RPS6KB2: variants seen among roughly 807,000 people sequenced by gnomAD.
RPS6KB2 encodes ribosomal protein S6 kinase B2, also known as ribosomal protein S6 kinase beta-2.
RPS6KB2 carries 51 observed loss-of-function variants against 58.2 expected under a neutral mutation model. The ratio of observed to expected loss-of-function variants is 0.88; its 90% CI spans 0.70 to 1.11. The LOEUF is 1.11. RPS6KB2 is among the 50% of genes least tolerant of loss of function. The pLI, the probability that RPS6KB2 is intolerant of heterozygous loss-of-function variation, is 0.00. For missense variants in RPS6KB2, 671 were observed against 655.8 expected (o/e 1.02, Z -0.25); for synonymous variants, 293 against 258.6 (o/e 1.13, Z -1.28).
At chr11:67,431,610 C>T (rs1386266744) in intron 5 of RPS6KB2, 95 bp downstream of exon 5, 1 of 1,338,608 alleles carries the variant, frequency 7.5e-7, no homozygotes, top group Non-Finnish European at 1.0e-6. Flanking sequence ...AGAGATGAGT[C>T]TGTGGGGGTT....
Position 67,434,571 on chromosome 11 carries a change from C to T in RPS6KB2, c.1156-11C>T, listed in dbSNP as rs375786795. ...CACTGAGTGTCGCATGGCCCTGCCT[C>T]CGCCCCCCAGGGCTTCACATACGTG... On this transcript the variant is annotated splice_polypyrimidine_tract_variant and intron_variant, in intron 13 of 14. Coordinates refer to ENST00000312629, the MANE Select transcript of RPS6KB2 (RefSeq NM_003952.3). 605 of 1,599,694 alleles carry T rather than the reference C, an allele frequency of 3.8e-4. No homozygotes were observed. The highest frequency in any genetic ancestry group is 9.4e-4 in the Admixed American group (55 of 58,744).
rs1864065540 is a variant in RPS6KB2, at chr11:67,432,593, G to A, written c.458-7G>A. The A allele has an allele frequency of 1.9e-6, 3 of 1,614,216 alleles. No individual in the cohort carries two copies. The East Asian group carries it at 6.7e-5, about 36-fold the overall frequency. ...AGCACGTGGCTGCTGACGTGTTTGT[G>A]TGGCAGGTGGCGAGCTCTTCACGCA... On this transcript the variant is annotated splice_region_variant and splice_polypyrimidine_tract_variant and intron_variant, in intron 5 of 14. Transcript: ENST00000312629.
At chr11:67,432,022 A>C (rs1590973320) in intron 5 of RPS6KB2, 1 of 310,110 alleles carries the variant, frequency 3.2e-6, no homozygotes, top group Non-Finnish European at 6.3e-6. Flanking sequence ...GGCTGCTCCC[A>C]GCCCTTCTAT....
In RPS6KB2 at chr11:67,435,210, C is replaced by T; in HGVS notation, c.*41C>T. ...TGAGGGTAGCCCTTGAGCCCTGTCC[C>T]TGCGGCTGTGAGAGCAGCAGGACCC... On this transcript the variant is annotated 3_prime_UTR_variant, in exon 15 of 15. Transcript: ENST00000312629. 1 of 1,481,060 alleles carries T rather than the reference C, an allele frequency of 6.8e-7. No individual in the cohort carries two copies. Among genetic ancestry groups the T allele is most frequent in the Non-Finnish European group, 9.0e-7 (1 of 1,114,230 alleles). 91.7% of individuals were successfully genotyped at this position (1,481,060 alleles called of 1,614,324 possible).
chr11:67,432,534 T>C, intron 5 of RPS6KB2, 66 bp from the exon 6 acceptor site: 3 of 1,552,392 alleles, frequency 1.9e-6, no homozygotes, highest in Non-Finnish European at 2.7e-6. Context: ...CAAGAAGAAA[T>C]AAAGACTCAG....
chr11:67,434,301 G>A (rs1375607475), intron 12 of RPS6KB2, 26 bp downstream of exon 12: 1 of 1,612,410 alleles, frequency 6.2e-7, no homozygotes, highest in Admixed American at 1.7e-5. Context: ...GGTGGCCAGT[G>A]GCCGGTGGCG....
intron 4 of RPS6KB2, 159 bp downstream of exon 4, chr11:67,429,754 T>A: frequency 3.2e-6 from 2 of 618,252 alleles, no homozygotes; most frequent in South Asian, 3.9e-5. Context: ...CTTGCAGTAA[T>A]TCTCAATGGG....
chr11:67,430,910 C>A (rs1308283261), intron 4 of RPS6KB2: 1 of 155,654 alleles, frequency 6.4e-6, no homozygotes, highest in Admixed American at 6.4e-5. Context: ...AGAGGATAAA[C>A]CCATCCCTGA....
Position 67,434,396 on chromosome 11 carries a change from G to A in RPS6KB2, c.1067G>A (p.Ser356Asn), listed in dbSNP as rs1864178716. The A allele has an allele frequency of 6.2e-7, 1 of 1,613,320 alleles. No homozygotes were observed. Among genetic ancestry groups the A allele is most frequent in the Admixed American group, 1.7e-5 (1 of 60,024 alleles). Residue 356 changes from serine to asparagine, a missense_variant, in exon 13 of 15, where the codon AGC (serine) becomes AAC (asparagine). Coordinates refer to ENST00000312629, the MANE Select transcript of RPS6KB2 (RefSeq NM_003952.3). ...RPCLQSEEDV[S>N]QFDTRFTRQT... ...CCACAGCAGTCAGAGGAGGACGTGA[G>A]CCAGTTTGATACCCGCTTCACACGG...
Position 67,429,586 on chromosome 11 carries a change from C to T in RPS6KB2, c.300C>T (p.Val100=), listed in dbSNP as rs1178683057. The T allele has an allele frequency of 2.5e-6, 4 of 1,611,822 alleles. No individual in the cohort carries two copies. The highest frequency in any genetic ancestry group is 4.5e-5 in the East Asian group (2 of 44,830). The change falls in exon 4 of 15, where the codon GTC becomes GTT. Residue 100 remains valine, a synonymous_variant. Transcript: ENST00000312629. Reference sequence around the variant, plus strand: ...TGGGCAAAATATATGCCATGAAAGTCCTAAGGAAGGTGAGTCACTCGTTCA... The same window carrying T: ...TGGGCAAAATATATGCCATGAAAGTTCTAAGGAAGGTGAGTCACTCGTTCA... ...TNLGKIYAMK[V]LRKAKIVRNA...
intron 5 of RPS6KB2, chr11:67,432,217 C>T (rs1007248181): frequency 3.9e-5 from 18 of 458,618 alleles, no homozygotes; most frequent in South Asian, 1.2e-4. Flanking sequence ...CAGCAAACCG[C>T]GCTTTCTCTG....
Position 67,433,408 on chromosome 11 carries a change from C to T in RPS6KB2, c.867C>T (p.Pro289=), listed in dbSNP as rs767623386. The T allele has an allele frequency of 7.4e-6, 12 of 1,613,836 alleles. No individual in the cohort carries two copies. The highest frequency in any genetic ancestry group is 3.3e-5 in the Admixed American group (2 of 60,008). The change falls in exon 10 of 15, where the codon CCC becomes CCT. Residue 289 remains proline, a synonymous_variant. Transcript: ENST00000312629. ...TCATCAGGGGCAAGCTGGCACTGCCCCCCTACCTCACCCCAGATGCCCGGG... is the reference window on the plus strand; with the variant it reads ...TCATCAGGGGCAAGCTGGCACTGCCTCCCTACCTCACCCCAGATGCCCGGG... ...DKIIRGKLAL[P]PYLTPDARDL...
At chr11:67,432,870 G>A (rs1864082745) in intron 7 of RPS6KB2, 33 bp downstream of exon 7, 1 of 1,606,930 alleles carries the variant, frequency 6.2e-7, no homozygotes. Context: ...CTGCAGGCGG[G>A]GTCTGCAATC....
chr11:67,429,353 G>A, intron 3 of RPS6KB2, 113 bp downstream of exon 3: 2 of 1,489,652 alleles, frequency 1.3e-6, no homozygotes, highest in Non-Finnish European at 1.8e-6. Context: ...GGGATTCAGA[G>A]CCAGAAACAT....
intron 4 of RPS6KB2, 187 bp downstream of exon 4, chr11:67,429,782 G>A (rs927752306): frequency 3.4e-6 from 2 of 588,510 alleles, no homozygotes; most frequent in African/African-American, 1.9e-5. Flanking sequence ...TTGACTCCCA[G>A]CAGACATTTG....
intron 13 of RPS6KB2, 46 bp downstream of exon 13, chr11:67,434,530 GAC>G: frequency 6.2e-7 from 1 of 1,600,210 alleles, no homozygotes; most frequent in Non-Finnish European, 8.5e-7. Context: ...CACGGATCGT[GAC>G]TAAGGATGGC....
chr11:67,429,313 T>G lies in RPS6KB2; in HGVS notation c.240+73T>G, dbSNP rs527462988. 2.8e-5 allele frequency: 45 copies of G among 1,587,850 alleles called. No homozygotes were observed. The African/African-American group carries it at 5.8e-4, about 20-fold the overall frequency. ...GGCAGCAAAGGGTTCTCAAAACAAA[T>G]TAGACTTGTGAATCAGCAGGGCCTC... On this transcript the variant is annotated intron_variant, in intron 3 of 14. Transcript: ENST00000312629.
chr11:67,434,315 G>A, intron 12 of RPS6KB2, 40 bp downstream of exon 12: 1 of 1,610,760 alleles, frequency 6.2e-7, no homozygotes, highest in Non-Finnish European at 8.5e-7. Context: ...GGTGGCGGGT[G>A]GCAAGTGGAG....
At position 67,435,351 on chromosome 11, in the gene RPS6KB2, C is replaced by A; in HGVS notation, c.*182C>A. On this transcript the variant is annotated 3_prime_UTR_variant, in exon 15 of 15. Transcript: ENST00000312629. ...AATCATGGGCACGGAGGGCCGCCCG[C>A]CACGCCCCGCGCTCAACTGCTCCCG... The A allele has an allele frequency of 1.5e-6, 1 of 656,074 alleles. No homozygotes were observed. Among genetic ancestry groups the A allele is most frequent in the Non-Finnish European group, 2.6e-6 (1 of 392,086 alleles). 40.6% of individuals were successfully genotyped at this position (656,074 alleles called of 1,614,324 possible). A position where few individuals can be genotyped will look rare whatever the true frequency, so the allele number is the denominator to read the frequency against.
Sources: allele counts gnomAD v4.1 joint callset, GRCh38; gene constraint gnomAD v4.1.1; transcripts MANE v1.5; gene names NCBI Gene and HGNC (gene_info 2026-07-23, HGNC 2026-07-21).